Variants in CSMD1 observed in about 807,000 individuals in gnomAD.
CSMD1 encodes CUB and Sushi multiple domains 1.
A neutral mutation model predicts 417.5 loss-of-function variants in CSMD1; 213 were observed. The ratio of observed to expected loss-of-function variants is 0.51; its 90% CI spans 0.46 to 0.57. CSMD1 has a LOEUF of 0.57. Ranked by LOEUF, CSMD1 falls within the 20% of genes least tolerant of loss-of-function variation. The pLI is 0.00. For missense variants in CSMD1, 6,923 were observed against 4,529.7 expected, an observed-to-expected ratio of 1.53 and a Z score of -15.17; for synonymous variants, 2,862 against 1,736.8, an observed-to-expected ratio of 1.65 and a Z score of -16.11.
intron 42 of CSMD1, among the ~76,000 whole-genome samples, chr8:3,110,715 C>G (rs531342505): frequency 6.6e-6 from 1 of 152,186 alleles, no homozygotes; most frequent in African/African-American, 2.4e-5. Context: ...CTTTTTCTAA[C>G]TCACACTGCT....
intron 10 of CSMD1, among the ~76,000 whole-genome samples, chr8:3,522,028 A>C (rs990655903): frequency 6.6e-6 from 1 of 152,342 alleles, no homozygotes; most frequent in Non-Finnish European, 1.5e-5. Flanking sequence ...TCTCAATTAC[A>C]TTAGAGTATT....
chr8:3,793,489 C>A (rs1370286463), intron 5 of CSMD1, among the ~76,000 whole-genome samples: 2 of 150,868 alleles, frequency 1.3e-5, no homozygotes, highest in Non-Finnish European at 3.0e-5. Flanking sequence ...CCAAGCCAGC[C>A]CTCTTGTGCC....
At chr8:3,456,009 G>T (rs1361741935) in intron 12 of CSMD1, among the ~76,000 whole-genome samples, 1 of 152,138 alleles carries the variant, frequency 6.6e-6, no homozygotes. Flanking sequence ...CCTGGGCAAT[G>T]GTGGGTGCCC....
chr8:3,017,918 T>G (rs934499366), intron 52 of CSMD1, among the ~76,000 whole-genome samples: 1 of 150,290 alleles, frequency 6.7e-6, no homozygotes, highest in African/African-American at 2.4e-5. Context: ...CTAAGATCAC[T>G]CTTTACTAAT....
chr8:4,426,245 T>C (rs1038755570), intron 2 of CSMD1, among the ~76,000 whole-genome samples: 2 of 151,864 alleles, frequency 1.3e-5, no homozygotes, highest in Non-Finnish European at 2.9e-5. Context: ...TCCAGTAAAA[T>C]AACTTATTTT....
At chr8:3,152,548 A>C (rs1819263524) in intron 39 of CSMD1, among the ~76,000 whole-genome samples, 1 of 152,170 alleles carries the variant, frequency 6.6e-6, no homozygotes, top group African/African-American at 2.4e-5. Context: ...GAAACAACTT[A>C]TTTGTAATTT....
intron 18 of CSMD1, chr8:3,373,667 T>A (rs1228283717): frequency 6.6e-6 from 1 of 152,236 alleles, no homozygotes; most frequent in Non-Finnish European, 1.5e-5. Flanking sequence ...CAAATATAGC[T>A]GCTCATAATT....
intron 1 of CSMD1, among the ~76,000 whole-genome samples, chr8:4,981,829 C>T (rs918076001): frequency 7.2e-5 from 11 of 152,166 alleles, no homozygotes; most frequent in Admixed American, 3.3e-4. Context: ...ATTATGTGTA[C>T]AGGATTATGT....
At chr8:4,277,566 T>G (rs1441151043) in intron 3 of CSMD1, among the ~76,000 whole-genome samples, 2 of 152,180 alleles carry the variant, frequency 1.3e-5, no homozygotes, top group Non-Finnish European at 2.9e-5. Context: ...TGGATAGAGC[T>G]GCATGTCTAT....
intron 3 of CSMD1, among the ~76,000 whole-genome samples, chr8:4,092,806 C>T (rs1800789497): frequency 6.6e-6 from 1 of 151,936 alleles, no homozygotes; most frequent in African/African-American, 2.4e-5. Context: ...TTTTAATAGA[C>T]CAATATTTTT....
intron 2 of CSMD1, among the ~76,000 whole-genome samples, chr8:4,486,250 C>CATATATATATATATATACATACATATAT (rs1563224296): frequency 7.6e-5 from 1 of 13,218 alleles, no homozygotes; most frequent in Admixed American, 9.0e-4. Flanking sequence ...TATATACATA[C>CATATATATATATATATACATACATATAT]ATATATATAT....
intron 25 of CSMD1, among the ~76,000 whole-genome samples, chr8:3,304,730 C>CTT (rs10688027): frequency 0.9 from 136,396 of 151,710 alleles, 61,637 homozygotes; most frequent in Middle Eastern, 0.96. Flanking sequence ...TTATTTTTCT[C>CTT]TTTTTAATTT....
chr8:4,229,749 C>T lies in CSMD1; in HGVS notation c.415+190204G>A, dbSNP rs138752164. On this transcript the variant is annotated intron_variant, in intron 3 of 69. Transcript: ENST00000635120. ...CCCATCCTCTGCCGTCCTGCTTCTACATAGCATATCACAATGCGACCCACT... is the reference window on the plus strand; with the variant it reads ...CCCATCCTCTGCCGTCCTGCTTCTATATAGCATATCACAATGCGACCCACT... Among the ~76,000 whole-genome samples, 333 of 152,270 alleles carry T rather than the reference C, an allele frequency of 2.2e-3. 1 individual carries two copies. The highest frequency in any genetic ancestry group is 7.1e-3 in the African/African-American group (295 of 41,564).
chr8:3,000,611 G>T (rs1314544563), intron 52 of CSMD1, among the ~76,000 whole-genome samples: 1 of 152,168 alleles, frequency 6.6e-6, no homozygotes, highest in Non-Finnish European at 1.5e-5. Context: ...AGGGATCAGA[G>T]AATAAGTTCA....
At position 4,828,057 on chromosome 8, in the gene CSMD1, T is replaced by G. The variant is rs571145216; in HGVS notation, c.85+166275A>C. Reference sequence around the variant, plus strand: ...ACAATCAAAAGAAGCGTAGTGGGATTTTTTTTTACATGAGTCCAATATTCT... The same window carrying G: ...ACAATCAAAAGAAGCGTAGTGGGATGTTTTTTTACATGAGTCCAATATTCT... On this transcript the variant is annotated intron_variant, in intron 1 of 69. Transcript: ENST00000635120. Among the ~76,000 whole-genome samples the G allele has an allele frequency of 1.2e-3, 185 of 152,072 alleles. 1 individual carries two copies. Among genetic ancestry groups the G allele is most frequent in the Non-Finnish European group, 1.9e-3 (129 of 67,964 alleles).
intron 2 of CSMD1, among the ~76,000 whole-genome samples, chr8:4,456,566 C>T (rs1264840895): frequency 6.6e-6 from 1 of 152,118 alleles, no homozygotes; most frequent in African/African-American, 2.4e-5. Flanking sequence ...GAACTGAAAA[C>T]AGCCCTGTCT....
intron 3 of CSMD1, among the ~76,000 whole-genome samples, chr8:4,294,103 C>G (rs573080192): frequency 6.6e-6 from 1 of 152,258 alleles, no homozygotes; most frequent in South Asian, 2.1e-4. Context: ...ATTCCTGTCA[C>G]TGGAAAAAGT....
chr8:4,333,793 A>C (rs1324354879), intron 3 of CSMD1, among the ~76,000 whole-genome samples: 1 of 152,120 alleles, frequency 6.6e-6, no homozygotes, highest in African/African-American at 2.4e-5. Flanking sequence ...CTGCCCCTGG[A>C]AACACATTGC....
chr8:3,959,341 A>C (rs549432485), intron 5 of CSMD1, among the ~76,000 whole-genome samples: 2 of 152,278 alleles, frequency 1.3e-5, no homozygotes, highest in African/African-American at 2.4e-5. Context: ...TCTACTAAAA[A>C]TACAAAAATT....
Sources: gnomAD v4.1 joint callset for allele counts (sites outside exome capture counted in the v4.1 genomes callset) on GRCh38, gnomAD v4.1.1 for gene constraint, MANE v1.5 for transcripts, NCBI Gene and HGNC (gene_info 2026-07-23, HGNC 2026-07-21) for gene names.